The following BNC1 variants were observed in gnomAD, a reference collection of about 807,000 sequenced individuals.
The protein encoded by BNC1 is zinc finger protein basonuclin-1.
BNC1 carries 8 observed loss-of-function variants against 66.5 expected under a neutral mutation model. The ratio of observed to expected loss-of-function variants is 0.12; its 90% confidence interval spans 0.07 to 0.22. The LOEUF (loss-of-function observed/expected upper bound fraction) is 0.22. Among genes scored for constraint, BNC1 ranks in the 10% least tolerant of loss-of-function variants. BNC1 has a pLI of 1.00. For synonymous variants in BNC1, 454 were observed against 452.6 expected, an observed-to-expected ratio of 1.00 and a Z score of -0.04; for missense variants, 1,069 against 1,241.3, an observed-to-expected ratio of 0.86 and a Z score of 2.09.
Position 83,266,943 on chromosome 15 carries a change from T to A in BNC1, c.328A>T (p.Ile110Phe), listed in dbSNP as rs2038223938. The A allele has an allele frequency of 1.2e-6, 2 of 1,614,018 alleles. No individual in the cohort carries two copies. Among genetic ancestry groups the A allele is most frequent in the South Asian group, 2.2e-5 (2 of 91,086 alleles). The change falls in exon 3 of 5, where the codon ATC (isoleucine) becomes TTC (phenylalanine). Residue 110 changes from isoleucine to phenylalanine, a missense_variant. Physicochemically the swap from Ile to Phe is conservative, Grantham distance 21. Coordinates refer to ENST00000345382, the MANE Select transcript of BNC1 (RefSeq NM_001717.4). ...ACACTGAAGAGCCGGTCCAGTAGGA[T>A]TTTTAGGCGAACGGGGATGGCCTGG... is the stretch of plus-strand genomic sequence containing the variant. ...GTQAIPVRLK[I>F]LLDRLFSVLK...
At chr15:83,280,181 C>A (rs1449223226) in intron 1 of BNC1, among the ~76,000 whole-genome samples, 1 of 151,886 alleles carries the variant, frequency 6.6e-6, no homozygotes, top group Non-Finnish European at 1.5e-5. Flanking sequence ...AAAAGCCAAG[C>A]CAAATATTTC....
chr15:83,270,186 C>G (rs1012856415), intron 1 of BNC1, among the ~76,000 whole-genome samples: 1 of 152,216 alleles, frequency 6.6e-6, no homozygotes, highest in Non-Finnish European at 1.5e-5. Context: ...ACAATTCACA[C>G]ATACCATATA....
chr15:83,268,208 T>C lies in BNC1; in HGVS notation c.124A>G (p.Ser42Gly). ...AEAISCTLNC[S>G]CQSFKPGKIN... ...TTCCCGGGTTTGAAACTTTGGCAACTACAGTTCAGAGTACAGCTGATAGCC... is the reference window on the plus strand; with the variant it reads ...TTCCCGGGTTTGAAACTTTGGCAACCACAGTTCAGAGTACAGCTGATAGCC... Residue 42 changes from serine (S) to glycine (G), a missense_variant, in exon 2 of 5, where the codon AGT becomes GGT. Physicochemically the swap from Ser to Gly is moderately conservative, Grantham distance 56 (BLOSUM62 0). Around this residue, in one of 7 missense-constraint regions of BNC1, gnomAD observed 78 missense variants for 80.9 expected, o/e 0.96. Coordinates refer to ENST00000345382, the MANE Select transcript of BNC1 (RefSeq NM_001717.4). 6.2e-7 allele frequency: 1 copy of C among 1,614,162 alleles called. No individual in the cohort carries two copies.
chr15:83,280,044 A>G (rs2151440461), intron 1 of BNC1, among the ~76,000 whole-genome samples: 1 of 152,312 alleles, frequency 6.6e-6, no homozygotes, highest in East Asian at 1.9e-4. Flanking sequence ...TGTTCTTTTG[A>G]TGTCTATGAA....
chr15:83,264,373 C>G lies in BNC1; in HGVS notation c.878G>C (p.Ser293Thr). Residue 293 changes from serine (S) to threonine (T), a missense_variant, in exon 4 of 5, where the codon AGT (serine) becomes ACT (threonine). By Grantham distance (58) the Ser-to-Thr change is moderately conservative. Transcript: ENST00000345382. The part of the protein sequence containing the change: ...PFPDSSFLTS[S>T]STPFQVEKDQ... ...TTTTTCAACCTGAAATGGTGTGGAA[C>G]TGGAAGTTAAGAAGCTGCTGTCAGG... 6.2e-7 allele frequency: 1 copy of G among 1,614,108 alleles called. No individual in the cohort carries two copies. The highest frequency in any genetic ancestry group is 1.1e-5 in the South Asian group (1 of 91,078).
At position 83,267,049 on chromosome 15, in the gene BNC1, G is replaced by A. The variant is rs779450286; in HGVS notation, c.222C>T (p.Pro74=). The A allele has an allele frequency of 1.2e-6, 2 of 1,613,926 alleles. No homozygotes were observed. Among genetic ancestry groups the A allele is most frequent in the African/African-American group, 1.3e-5 (1 of 75,040 alleles). The change falls in exon 3 of 5, where the codon CCC becomes CCT. Residue 74 remains proline (P), a synonymous_variant. Transcript: ENST00000345382. ...CCACCTGGCTTGTTGGATACATGGGGGGGATCCTTAGCTTACTTAGAGCTG... is the reference window on the plus strand; with the variant it reads ...CCACCTGGCTTGTTGGATACATGGGAGGGATCCTTAGCTTACTTAGAGCTG... ...VAHALSKLRI[P]PMYPTSQVEI...
intron 3 of BNC1, among the ~76,000 whole-genome samples, chr15:83,265,513 T>G (rs919195384): frequency 5.9e-5 from 9 of 152,254 alleles, no homozygotes; most frequent in African/African-American, 9.6e-5. Flanking sequence ...AAATTTTTCA[T>G]GCACTAGAGG....
Position 83,270,581 on chromosome 15 carries a change from G to A in BNC1, c.100-2349C>T, listed in dbSNP as rs551483726. 1.8e-4 allele frequency among the ~76,000 whole-genome samples: 28 copies of A among 152,196 alleles called. No individual in the cohort carries two copies. The South Asian group carries it at 2.7e-3, about 15-fold the overall frequency. ...TTTTGATTTGCATTCCCCTGATGGC[G>A]AATGGTGCTCAGCATCTCTTCATGT... On this transcript the variant is annotated intron_variant, in intron 1 of 4. Transcript: ENST00000345382.
At position 83,268,170 on chromosome 15, in the gene BNC1, A is replaced by C; in HGVS notation, c.162T>G (p.Arg54=). 1 of 1,614,198 alleles carries C rather than the reference A, an allele frequency of 6.2e-7. No individual in the cohort carries two copies. Among genetic ancestry groups the C allele is most frequent in the Non-Finnish European group, 8.5e-7 (1 of 1,180,032 alleles). ...ATCCATGCTTGCATTGGTCACACTG[A>C]CGGTGGTTTATTTTCCCGGGTTTGA... ...QSFKPGKINH[R]QCDQCKHGWV... The change falls in exon 2 of 5, where the codon CGT becomes CGG. Residue 54 remains arginine (R), a synonymous_variant. Coordinates refer to ENST00000345382, the MANE Select transcript of BNC1 (RefSeq NM_001717.4).
Position 83,267,058 on chromosome 15 carries a change from T to A in BNC1, c.213A>T (p.Leu71=), listed in dbSNP as rs1405438469. 6.2e-7 allele frequency: 1 copy of A among 1,612,872 alleles called. No homozygotes were observed. The highest frequency in any genetic ancestry group is 1.7e-5 in the Admixed American group (1 of 59,980). The part of the protein sequence containing the change: ...HGWVAHALSK[L]RIPPMYPTSQ... Reference sequence around the variant, plus strand: ...TTGTTGGATACATGGGGGGGATCCTTAGCTTACTTAGAGCTGAAAAATCAA... The same window carrying A: ...TTGTTGGATACATGGGGGGGATCCTAAGCTTACTTAGAGCTGAAAAATCAA... The change falls in exon 3 of 5, where the codon CTA becomes CTT. Residue 71 remains leucine, a synonymous_variant. Transcript: ENST00000345382.
chr15:83,268,962 A>G (rs533485787), intron 1 of BNC1, among the ~76,000 whole-genome samples: 2 of 152,376 alleles, frequency 1.3e-5, no homozygotes, highest in South Asian at 4.1e-4. Flanking sequence ...GTGGTGGCTC[A>G]CGCCTGTAAT....
chr15:83,264,230 C>T lies in BNC1; in HGVS notation c.1021G>A (p.Ala341Thr). The part of the protein sequence containing the change: ...KFERTQLSPE[A>T]KVKPERNSLG... ...CTATTCCTCTCAGGCTTCACTTTGG[C>T]CTCAGGGGATAACTGTGTCCTTTCA... Residue 341 changes from alanine to threonine, a missense_variant, in exon 4 of 5, where the codon GCC becomes ACC. Ala to Thr is a moderately conservative substitution (Grantham distance 58). Coordinates refer to ENST00000345382, the MANE Select transcript of BNC1 (RefSeq NM_001717.4). 6.2e-7 allele frequency: 1 copy of T among 1,614,166 alleles called. No individual in the cohort carries two copies. The highest frequency in any genetic ancestry group is 8.5e-7 in the Non-Finnish European group (1 of 1,180,032).
At position 83,257,777 on chromosome 15, in the gene BNC1, T is replaced by C. The variant is rs958242742; in HGVS notation, c.2650A>G (p.Thr884Ala). Residue 884 changes from threonine to alanine, a missense_variant, in exon 5 of 5, where the codon ACT (threonine) becomes GCT (alanine). Coordinates refer to ENST00000345382, the MANE Select transcript of BNC1 (RefSeq NM_001717.4). The stretch of plus-strand genomic sequence containing the variant: ...CCATCACTGTCCTCCATAAGCACAG[T>C]GCCTTCCTCACTCACCCCGTCAGAG... ...WDSDGVSEEG[T>A]VLMEDSDGNC... 2 of 1,614,162 alleles carry C rather than the reference T, an allele frequency of 1.2e-6. No individual in the cohort carries two copies. Among genetic ancestry groups the C allele is most frequent in the Non-Finnish European group, 1.7e-6 (2 of 1,180,022 alleles).
chr15:83,268,091 A>G (rs113225222), intron 2 of BNC1, 42 bp downstream of exon 2: 13 of 1,509,330 alleles, frequency 8.6e-6, no homozygotes, highest in African/African-American at 6.9e-5. Flanking sequence ...AGTTACTTAG[A>G]GGTAACACTA....
chr15:83,284,156 G>A (rs1298390273), intron 1 of BNC1, among the ~76,000 whole-genome samples: 1 of 151,982 alleles, frequency 6.6e-6, no homozygotes, highest in Non-Finnish European at 1.5e-5. Context: ...AAGTCCTAAC[G>A]TCCTGGGCTG....
chr15:83,271,998 A>G (rs2038274534), intron 1 of BNC1, among the ~76,000 whole-genome samples: 1 of 152,248 alleles, frequency 6.6e-6, no homozygotes, highest in South Asian at 2.1e-4. Flanking sequence ...TTAGTTTGTA[A>G]TACACCTAAA....
In BNC1 at chr15:83,282,080, AAGG is replaced by A. The variant is rs777501194; in HGVS notation, c.99+2447_99+2449del. Reference sequence around the variant, plus strand: ...GCCAAAGAACTTTAACCACTTTCTGAAGGAGGAGAATGTCCCTAAATCCTTACT... The same window carrying A: ...GCCAAAGAACTTTAACCACTTTCTGAAGGAGAATGTCCCTAAATCCTTACT... On this transcript the variant is annotated intron_variant, in intron 1 of 4. Coordinates refer to ENST00000345382, the MANE Select transcript of BNC1 (RefSeq NM_001717.4). Among the ~76,000 whole-genome samples the A allele has an allele frequency of 4.1e-4, 62 of 152,358 alleles. 1 individual carries two copies. Among genetic ancestry groups the A allele is most frequent in the Middle Eastern group, 6.8e-3 (2 of 294 alleles).
chr15:83,258,322 T>G (rs1348495676), intron 4 of BNC1, among the ~76,000 whole-genome samples, 196 bp from the exon 5 acceptor site: 1 of 152,242 alleles, frequency 6.6e-6, no homozygotes, highest in African/African-American at 2.4e-5. Context: ...TGCCAGAAGT[T>G]AGTGTTCACC....
At chr15:83,259,040 T>C (rs889400848) in intron 4 of BNC1, among the ~76,000 whole-genome samples, 1 of 152,186 alleles carries the variant, frequency 6.6e-6, no homozygotes, top group African/African-American at 2.4e-5. Flanking sequence ...ATTTGTAACG[T>C]TTCACTATCC....
Sources: allele counts gnomAD v4.1 joint callset (sites outside exome capture counted in the v4.1 genomes callset), GRCh38; gene constraint gnomAD v4.1.1; regional missense constraint gnomAD v4.1.1; transcripts MANE v1.5; gene names NCBI Gene and HGNC (gene_info 2026-07-23, HGNC 2026-07-21).